ABHD6: variants seen among roughly 807,000 people sequenced by gnomAD.
The protein encoded by ABHD6 is monoacylglycerol lipase ABHD6.
Under a neutral mutation model 38.8 loss-of-function variants are expected in ABHD6, and 33 were observed. The observed-to-expected ratio is 0.85, with a 90% CI of 0.64 to 1.14. The LOEUF (loss-of-function observed/expected upper bound fraction) is 1.14. ABHD6 is among the 50% of genes most tolerant of loss of function. The pLI is 0.00. For synonymous variants in ABHD6, 147 were observed against 161.6 expected, an observed-to-expected ratio of 0.91 and a Z score of 0.69; for missense variants, 380 against 422.6, an observed-to-expected ratio of 0.90 and a Z score of 0.88.
rs1012340542 is a variant in ABHD6 at position 58,263,928 on chromosome 3, T to C, written c.120-3261T>C. ...TAATTTTCTTCAATGCTTCTTTTGCTCTTCCCACCTCTCTCCCCCACCACT... is the reference window on the plus strand; with the variant it reads ...TAATTTTCTTCAATGCTTCTTTTGCCCTTCCCACCTCTCTCCCCCACCACT... On this transcript the variant is annotated intron_variant, in intron 3 of 9. Coordinates refer to ENST00000478253, the MANE Select transcript of ABHD6 (RefSeq NM_001320126.2). This position sits in a 1 kb window ranked among gnomAD's most constrained non-coding sequence, Gnocchi z 4.9. Among the ~76,000 whole-genome samples, 1 of 152,210 alleles carries C rather than the reference T, an allele frequency of 6.6e-6. No homozygotes were observed. Among genetic ancestry groups the C allele is most frequent in the African/African-American group, 2.4e-5 (1 of 41,464 alleles).
At chr3:58,242,002 A>G (rs2097423177) in intron 1 of ABHD6, among the ~76,000 whole-genome samples, 1 of 152,212 alleles carries the variant, frequency 6.6e-6, no homozygotes, top group Non-Finnish European at 1.5e-5. Flanking sequence ...GTTGAGCTGC[A>G]AAACTGAACT....
rs950459150 is a variant in ABHD6, at chr3:58,293,089, T to C, written c.838-500T>C. The stretch of plus-strand genomic sequence containing the variant: ...GCTGTAGGAGCAGCGCCCTCCTCTC[T>C]GCCCCTTCTCCCCACCATGCCACCC... On this transcript the variant is annotated intron_variant, in intron 9 of 9. Transcript: ENST00000478253. This position sits in a 1 kb window ranked among gnomAD's most constrained non-coding sequence, Gnocchi z 4.4. 2.6e-5 allele frequency among the ~76,000 whole-genome samples: 4 copies of C among 152,102 alleles called. No individual in the cohort carries two copies. The highest frequency in any genetic ancestry group is 9.7e-5 in the African/African-American group (4 of 41,420).
intron 6 of ABHD6, among the ~76,000 whole-genome samples, chr3:58,272,293 C>CA (rs2097445640): frequency 6.6e-6 from 1 of 152,170 alleles, no homozygotes; most frequent in African/African-American, 2.4e-5. Context: ...ACAGTAGGAA[C>CA]AGAGCCCAGG....
chr3:58,285,942 A>T lies in ABHD6; in HGVS notation c.837+489A>T, dbSNP rs1242377932. 6.6e-6 allele frequency among the ~76,000 whole-genome samples: 1 copy of T among 151,804 alleles called. No individual in the cohort carries two copies. Among genetic ancestry groups the T allele is most frequent in the Non-Finnish European group, 1.5e-5 (1 of 67,984 alleles). On this transcript the variant is annotated intron_variant, in intron 9 of 9. Transcript: ENST00000478253. The surrounding 1 kb of genome is among the most constrained non-coding windows in gnomAD (Gnocchi z 4.9). ...AACTTCTGCCTCCCAGGTTCAAGCG[A>T]TTCTCCTGCCTCAGCCTCCCAAGTA...
chr3:58,286,848 G>GCATATATATAGATATA (rs746605515), intron 9 of ABHD6, among the ~76,000 whole-genome samples: 1 of 70,060 alleles, frequency 1.4e-5, no homozygotes, highest in African/African-American at 5.6e-5. Flanking sequence ...GTGTGTGTGT[G>GCATATATATAGATATA]TGTGTATATA....
intron 4 of ABHD6, among the ~76,000 whole-genome samples, chr3:58,268,545 C>T (rs1324706834): frequency 6.6e-6 from 1 of 152,126 alleles, no homozygotes; most frequent in Non-Finnish European, 1.5e-5. Flanking sequence ...TCCCTGGCTC[C>T]CACATCAGGC....
In ABHD6 at chr3:58,257,888, C is replaced by G. The variant is rs1330645373; in HGVS notation, c.119+1183C>G. Among the ~76,000 whole-genome samples, 1 of 152,158 alleles carries G rather than the reference C, an allele frequency of 6.6e-6. No homozygotes were observed. Among genetic ancestry groups the G allele is most frequent in the African/African-American group, 2.4e-5 (1 of 41,440 alleles). ...TATTCTTGTCCTATCTGGATACCAC[C>G]TGTCCTTTTATTTTGTATTTCCTTT... On this transcript the variant is annotated intron_variant, in intron 3 of 9. Transcript: ENST00000478253. This position sits in a 1 kb window ranked among gnomAD's most constrained non-coding sequence, Gnocchi z 4.8.
intron 3 of ABHD6, among the ~76,000 whole-genome samples, chr3:58,262,801 G>T (rs2097437915): frequency 6.6e-6 from 1 of 152,216 alleles, no homozygotes; most frequent in Non-Finnish European, 1.5e-5. Flanking sequence ...TGGGCATGGT[G>T]GCTCACGCCT....
chr3:58,251,753 C>T lies in ABHD6; in HGVS notation c.-26+1811C>T, dbSNP rs78232847. ...TGGCATTGCCTGCTTCACACTGTGC[C>T]GCAGTGTCTTTAACCCTGGGGTGCC... is the stretch of plus-strand genomic sequence containing the variant. On this transcript the variant is annotated intron_variant, in intron 2 of 9. Transcript: ENST00000478253. This position sits in a 1 kb window ranked among gnomAD's most constrained non-coding sequence, Gnocchi z 5.4. 2.5e-3 allele frequency among the ~76,000 whole-genome samples: 383 copies of T among 152,256 alleles called. 2 individuals carry two copies. The highest frequency in any genetic ancestry group is 8.8e-3 in the African/African-American group (366 of 41,554).
chr3:58,280,992 C>T (rs538980658), intron 7 of ABHD6, among the ~76,000 whole-genome samples: 6 of 152,168 alleles, frequency 3.9e-5, no homozygotes, highest in South Asian at 2.1e-4. Context: ...GGCACCCGGC[C>T]GTATGAGGTG....
chr3:58,278,437 G>T (rs1427972891), intron 7 of ABHD6, among the ~76,000 whole-genome samples: 1 of 152,094 alleles, frequency 6.6e-6, no homozygotes, highest in Admixed American at 6.5e-5. Context: ...CTGTGGGATT[G>T]GTGGTGATAT....
At chr3:58,291,622 C>A (rs1289783162) in intron 9 of ABHD6, among the ~76,000 whole-genome samples, 1 of 152,192 alleles carries the variant, frequency 6.6e-6, no homozygotes, top group South Asian at 2.1e-4. Flanking sequence ...ATGGTTCCCA[C>A]AGATGTGCAT....
In ABHD6 at chr3:58,285,129, C is replaced by G. The variant is rs1478337390; in HGVS notation, c.726C>G (p.Phe242Leu). Reference sequence around the variant, plus strand: ...ATGTCCGCATCCCTCATAACAACTTCTACCGAAAGTGTAAGTAGCCCTACT... The same window carrying G: ...ATGTCCGCATCCCTCATAACAACTTGTACCGAAAGTGTAAGTAGCCCTACT... ...LVDVRIPHNN[F>L]YRKLFLEIVS... is the part of the protein sequence containing the mutation. Residue 242 changes from phenylalanine (F) to leucine (L), a missense_variant, in exon 8 of 10, where the codon TTC (phenylalanine) becomes TTG (leucine). By Grantham distance (22) the Phe-to-Leu change is conservative. Coordinates refer to ENST00000478253, the MANE Select transcript of ABHD6 (RefSeq NM_001320126.2). This position sits in a 1 kb window ranked among gnomAD's most constrained non-coding sequence, Gnocchi z 4.9. The G allele has an allele frequency of 6.2e-7, 1 of 1,614,074 alleles. No homozygotes were observed. The highest frequency in any genetic ancestry group is 8.5e-7 in the Non-Finnish European group (1 of 1,180,036).
intron 1 of ABHD6, among the ~76,000 whole-genome samples, chr3:58,248,474 G>GATCACCTGA (rs1351898894): frequency 4.6e-5 from 7 of 152,158 alleles, no homozygotes; most frequent in African/African-American, 1.7e-4. Context: ...GAGGCAGGCT[G>GATCACCTGA]ATCACCTGAG....
At chr3:58,289,228 A>ATT (rs11457127) in intron 9 of ABHD6, among the ~76,000 whole-genome samples, 36 of 151,402 alleles carry the variant, frequency 2.4e-4, no homozygotes, top group East Asian at 1.7e-3. Context: ...GTAATTTTTT[A>ATT]TTTTTTTTAT....
At chr3:58,253,653 C>T (rs9311672) in intron 2 of ABHD6, among the ~76,000 whole-genome samples, 83,621 of 152,072 alleles carry the variant, frequency 0.55, 25,671 homozygotes, top group African/African-American at 0.84. Flanking sequence ...TCATTTGTAC[C>T]TTATTTGTGT....
In ABHD6 at chr3:58,237,901, G is replaced by A; in HGVS notation, c.-106G>A. 6.5e-6 allele frequency: 1 copy of A among 152,780 alleles called. No individual in the cohort carries two copies. Among genetic ancestry groups the A allele is most frequent in the Non-Finnish European group, 1.5e-5 (1 of 68,294 alleles). 9.5% of individuals were successfully genotyped at this position (152,780 alleles called of 1,614,324 possible). ...CCGGGCCCGGCGGCGGGACCCAGGC[G>A]GTTGAGGCTGGTCAGGTGAGCGGAG... On this transcript the variant is annotated 5_prime_UTR_variant, in exon 1 of 10. Coordinates refer to ENST00000478253, the MANE Select transcript of ABHD6 (RefSeq NM_001320126.2).
chr3:58,294,669 A>G lies in ABHD6; in HGVS notation c.*904A>G, dbSNP rs1486900288. The G allele has an allele frequency of 6.6e-6, 1 of 152,640 alleles. No individual in the cohort carries two copies. Among genetic ancestry groups the G allele is most frequent in the Non-Finnish European group, 1.5e-5 (1 of 68,042 alleles). The allele number at this position is 152,640 out of a possible 1,614,324, so 9.5% of individuals were successfully genotyped here. On this transcript the variant is annotated 3_prime_UTR_variant, in exon 10 of 10. Coordinates refer to ENST00000478253, the MANE Select transcript of ABHD6 (RefSeq NM_001320126.2). ...TGTGAAGAGTAATGTGATTGAAAAT[A>G]AGTCTAAACAGCTGTAAAAGTGACC...
In ABHD6 at chr3:58,265,628, G is replaced by A. The variant is rs2097440392; in HGVS notation, c.120-1561G>A. ...CTCATATTATAAGATTATATAGTTA[G>A]TGTCTTATTCCATTTTGTGTTGCTA... On this transcript the variant is annotated intron_variant, in intron 3 of 9. Coordinates refer to ENST00000478253, the MANE Select transcript of ABHD6 (RefSeq NM_001320126.2). The surrounding 1 kb of genome is among the most constrained non-coding windows in gnomAD (Gnocchi z 4.2). 1.3e-5 allele frequency among the ~76,000 whole-genome samples: 2 copies of A among 152,152 alleles called. No homozygotes were observed. Among genetic ancestry groups the A allele is most frequent in the Admixed American group, 6.5e-5 (1 of 15,270 alleles).
Sources: allele counts gnomAD v4.1 joint callset (sites outside exome capture counted in the v4.1 genomes callset), GRCh38; gene constraint gnomAD v4.1.1; non-coding constraint Gnocchi (gnomAD v3.1); transcripts MANE v1.5; gene names NCBI Gene and HGNC (gene_info 2026-07-23, HGNC 2026-07-21).